TRPM3: variants seen among roughly 807,000 people sequenced by gnomAD.
The protein encoded by TRPM3 is long transient receptor potential channel 3.
A neutral mutation model predicts 181.2 loss-of-function variants in TRPM3; 77 were observed. That is an observed-to-expected ratio of 0.42 (90% CI 0.35 to 0.51). The LOEUF is 0.51. Ranked by LOEUF, TRPM3 falls within the 20% of genes least tolerant of loss-of-function variation. TRPM3 has a pLI of 0.01. For synonymous variants in TRPM3, 745 were observed against 796.4 expected (o/e 0.94, Z 1.09); for missense variants, 1,759 against 2,196.7 (o/e 0.80, Z 3.98).
At chr9:71,186,993 C>A (rs937438211) in intron 1 of TRPM3, among the ~76,000 whole-genome samples, 2 of 151,878 alleles carry the variant, frequency 1.3e-5, no homozygotes, top group African/African-American at 4.8e-5. Flanking sequence ...ATCATGTGGG[C>A]ATAATAATTT....
intron 6 of TRPM3, among the ~76,000 whole-genome samples, chr9:70,807,635 T>C (rs1217216086): frequency 6.6e-6 from 1 of 152,184 alleles, no homozygotes; most frequent in African/African-American, 2.4e-5. Flanking sequence ...ATGCAAGGTT[T>C]TCAGAATGAC....
rs1411682838 is a variant in TRPM3, at chr9:70,553,276, A to G, written c.3258T>C (p.Gly1086=). ...PCGQNETRED[G]KIIQLPPCKT... is the part of the protein sequence containing the mutation. ...TGCAGGGAGGCAGCTGGATTATTTT[A>G]CCATCCTCTCGGGTCTCATTCTGTC... The change falls in exon 23 of 26, where the codon GGT becomes GGC. Residue 1086 remains glycine (G), a synonymous_variant. Transcript: ENST00000677713. The G allele has an allele frequency of 1.2e-5, 20 of 1,614,006 alleles. No individual in the cohort carries two copies. The Admixed American group carries it at 2.8e-4, about 23-fold the overall frequency.
intron 7 of TRPM3, among the ~76,000 whole-genome samples, chr9:70,780,316 C>T (rs189974899): frequency 6.6e-6 from 1 of 152,212 alleles, no homozygotes; most frequent in Admixed American, 6.5e-5. Flanking sequence ...TGAAAAGATA[C>T]TGATGCAGCC....
chr9:71,317,392 G>GGGAGGC (rs1358173978), intron 1 of TRPM3, among the ~76,000 whole-genome samples: 6 of 152,142 alleles, frequency 3.9e-5, no homozygotes, highest in African/African-American at 1.2e-4. Flanking sequence ...CCAGCACTTT[G>GGGAGGC]GGAGGCTGAG....
At position 70,756,555 on chromosome 9, in the gene TRPM3, G is replaced by T. The variant is rs553700272; in HGVS notation, c.1272+5046C>A. Among the ~76,000 whole-genome samples the T allele has an allele frequency of 3.9e-5, 6 of 152,072 alleles. No individual in the cohort carries two copies. The East Asian group carries it at 1.2e-3, about 29-fold the overall frequency. On this transcript the variant is annotated intron_variant, in intron 8 of 25. Coordinates refer to ENST00000677713, the MANE Select transcript of TRPM3 (RefSeq NM_001366145.2). Reference sequence around the variant, plus strand: ...CAGAATGTACATTCTTCTCAGCACCGCATCACACTTATTCTAAAATTGGCC... The same window carrying T: ...CAGAATGTACATTCTTCTCAGCACCTCATCACACTTATTCTAAAATTGGCC...
At chr9:71,259,814 A>C (rs1191087602) in intron 1 of TRPM3, among the ~76,000 whole-genome samples, 13 of 151,754 alleles carry the variant, frequency 8.6e-5, no homozygotes, top group Non-Finnish European at 1.5e-5. Flanking sequence ...GTTTGCAAAA[A>C]TTTTCTTCCA....
At chr9:71,349,406 C>T (rs1364745307) in intron 1 of TRPM3, among the ~76,000 whole-genome samples, 1 of 152,160 alleles carries the variant, frequency 6.6e-6, no homozygotes, top group African/African-American at 2.4e-5. Flanking sequence ...TTAGAGGCTT[C>T]ATCAGAGCTG....
At chr9:70,563,081 T>C (rs2049550909) in intron 22 of TRPM3, among the ~76,000 whole-genome samples, 2 of 152,234 alleles carry the variant, frequency 1.3e-5, no homozygotes, top group Non-Finnish European at 1.5e-5. Context: ...CACAGAACCT[T>C]GGAAAAGCCC....
At chr9:71,105,396 T>A (rs892455402) in intron 1 of TRPM3, among the ~76,000 whole-genome samples, 1 of 152,076 alleles carries the variant, frequency 6.6e-6, no homozygotes, top group Non-Finnish European at 1.5e-5. Flanking sequence ...CAGGGTCACA[T>A]GGGAAAAACA....
intron 5 of TRPM3, among the ~76,000 whole-genome samples, chr9:70,828,304 T>C (rs928254807): frequency 1.3e-5 from 2 of 152,228 alleles, no homozygotes; most frequent in Non-Finnish European, 2.9e-5. Context: ...ATGCCAATGA[T>C]TGTTTCATTT....
chr9:70,553,377 TGGATTTGTA>T, intron 22 of TRPM3, 67 bp from the exon 23 acceptor site: 1 of 1,573,784 alleles, frequency 6.4e-7, no homozygotes. Context: ...AATAAAAAGA[TGGATTTGTA>T]GGAGGGTTTT....
chr9:71,060,063 A>G (rs2061135026), intron 1 of TRPM3, among the ~76,000 whole-genome samples: 1 of 152,116 alleles, frequency 6.6e-6, no homozygotes, highest in Non-Finnish European at 1.5e-5. Context: ...AGAGAATCAG[A>G]CTTGCTCTGT....
intron 6 of TRPM3, among the ~76,000 whole-genome samples, chr9:70,792,098 C>G (rs887189408): frequency 6.6e-6 from 1 of 152,202 alleles, no homozygotes; most frequent in Admixed American, 6.5e-5. Flanking sequence ...CCCCTCTCCC[C>G]TGTCAGAGAA....
At chr9:70,640,704 G>A (rs774684088) in intron 9 of TRPM3, 44 bp from the exon 10 acceptor site, 3 of 1,502,090 alleles carry the variant, frequency 2.0e-6, no homozygotes, top group South Asian at 1.1e-5. Flanking sequence ...GAGAGAAAAC[G>A]ACGATCAGTT....
intron 1 of TRPM3, among the ~76,000 whole-genome samples, chr9:71,423,629 C>T (rs2093815056): frequency 6.6e-6 from 1 of 152,028 alleles, no homozygotes; most frequent in Non-Finnish European, 1.5e-5. Flanking sequence ...AACAAGAAAA[C>T]AAAGTGCATT....
intron 1 of TRPM3, among the ~76,000 whole-genome samples, chr9:70,879,299 A>T (rs926505037): frequency 1.3e-5 from 2 of 152,126 alleles, no homozygotes; most frequent in African/African-American, 4.8e-5. Flanking sequence ...AGCACAGAGT[A>T]AGCACTTAAA....
intron 1 of TRPM3, among the ~76,000 whole-genome samples, chr9:71,229,400 A>C (rs757067069): frequency 1.3e-5 from 2 of 152,148 alleles, no homozygotes; most frequent in Non-Finnish European, 2.9e-5. Context: ...CCAGGACATT[A>C]AACTTGGCAA....
intron 1 of TRPM3, among the ~76,000 whole-genome samples, chr9:70,956,813 G>A (rs1159625601): frequency 6.6e-6 from 1 of 151,778 alleles, no homozygotes; most frequent in Non-Finnish European, 1.5e-5. Context: ...TTGAGCCCAG[G>A]AGATCAAGGC....
chr9:70,932,642 G>A (rs1053283954), intron 1 of TRPM3, among the ~76,000 whole-genome samples: 8 of 152,142 alleles, frequency 5.3e-5, no homozygotes, highest in Non-Finnish European at 1.0e-4. Context: ...GAGATTGACA[G>A]GCTGAGAGAA....
Sources: gnomAD v4.1 joint callset for allele counts (sites outside exome capture counted in the v4.1 genomes callset) on GRCh38, gnomAD v4.1.1 for gene constraint, MANE v1.5 for transcripts, NCBI Gene and HGNC (gene_info 2026-07-23, HGNC 2026-07-21) for gene names.